Variants in LRRC18 observed in about 807,000 individuals in gnomAD.
LRRC18 encodes leucine-rich repeat-containing protein 18.
Under a neutral mutation model 11.2 loss-of-function variants are expected in LRRC18, and 12 were observed. The observed-to-expected ratio is 1.07, with a 90% confidence interval of 0.69 to 1.74. The LOEUF (loss-of-function observed/expected upper bound fraction) is 1.74. Among genes scored for constraint, LRRC18 ranks in the 40% most tolerant of loss-of-function variants. The pLI is 0.00. For synonymous variants in LRRC18, 155 were observed against 130.6 expected (o/e 1.19, Z -1.27); for missense variants, 374 against 330.5 (o/e 1.13, Z -1.02).
chr10:48,913,508 G>A (rs145432675), exon 1 of LRRC18: 431 of 1,613,880 alleles, frequency 2.7e-4, no homozygotes, highest in Admixed American at 8.7e-4. Flanking sequence ...TGTCCCGGGC[G>A]TTTTGGCATT....
upstream of LRRC18, among the ~76,000 whole-genome samples, chr10:48,918,883 C>T (rs1351669033): frequency 6.6e-6 from 1 of 152,192 alleles, no homozygotes; most frequent in Admixed American, 6.5e-5. Flanking sequence ...AATAATGTCT[C>T]TTGACATTGC....
At chr10:48,932,929 G>T in the LRRC18 span, among the ~76,000 whole-genome samples, 17 of 152,128 alleles carry the variant, frequency 1.1e-4, no homozygotes, top group Non-Finnish European at 5.9e-5. Flanking sequence ...AAGGAGGGGA[G>T]GGCGAAGAGC....
At chr10:48,921,241 G>A in the LRRC18 span, among the ~76,000 whole-genome samples, 21 of 151,946 alleles carry the variant, frequency 1.4e-4, no homozygotes, top group African/African-American at 5.1e-4. Flanking sequence ...TACAGCATGT[G>A]GTATTATTGG....
upstream of LRRC18, among the ~76,000 whole-genome samples, chr10:48,918,429 A>C (rs1838747392): frequency 6.6e-6 from 1 of 152,252 alleles, no homozygotes; most frequent in African/African-American, 2.4e-5. Flanking sequence ...TAGTGACTTT[A>C]TTAATGTCAG....
upstream of LRRC18, among the ~76,000 whole-genome samples, chr10:48,914,611 C>T (rs2133515038): frequency 6.6e-6 from 1 of 152,252 alleles, no homozygotes; most frequent in Non-Finnish European, 1.5e-5. Flanking sequence ...CTAGGATTTC[C>T]TGAAGTTTTC....
the LRRC18 span, among the ~76,000 whole-genome samples, chr10:48,928,772 G>T: frequency 6.6e-6 from 1 of 152,182 alleles, no homozygotes; most frequent in African/African-American, 2.4e-5. Flanking sequence ...TTTGCTGACC[G>T]CCTATCACCT....
chr10:48,921,206 C>T, the LRRC18 span, among the ~76,000 whole-genome samples: 5 of 151,838 alleles, frequency 3.3e-5, no homozygotes, highest in African/African-American at 1.2e-4. Context: ...ATTATGTGTC[C>T]CAATTTTAAA....
At chr10:48,939,777 T>C in the LRRC18 span, among the ~76,000 whole-genome samples, 7 of 152,334 alleles carry the variant, frequency 4.6e-5, no homozygotes, top group East Asian at 1.2e-3. Context: ...CTGCTGGTAA[T>C]GGCGTCTTTC....
the LRRC18 span, among the ~76,000 whole-genome samples, chr10:48,929,537 T>A: frequency 6.6e-6 from 1 of 152,128 alleles, no homozygotes; most frequent in Admixed American, 6.5e-5. Flanking sequence ...AGCCCCTTGC[T>A]CCTCTTCTCT....
upstream of LRRC18, among the ~76,000 whole-genome samples, chr10:48,916,355 G>C (rs543703163): frequency 2.6e-5 from 4 of 152,170 alleles, no homozygotes; most frequent in Non-Finnish European, 5.9e-5. Context: ...AGGGAAATCT[G>C]TTTGGTGTTC....
exon 2 of LRRC18, chr10:48,910,047 C>A: frequency 1.8e-6 from 1 of 557,862 alleles, no homozygotes; most frequent in South Asian, 2.7e-5. Flanking sequence ...CATTTTCACA[C>A]ACAGGTGGGC....
At chr10:48,915,298 G>A (rs751975285), upstream of LRRC18, among the ~76,000 whole-genome samples, 7 of 152,112 alleles carry the variant, frequency 4.6e-5, no homozygotes, top group Non-Finnish European at 7.3e-5. Context: ...CCCTATCATA[G>A]CGAGACTGAG....
the LRRC18 span, among the ~76,000 whole-genome samples, chr10:48,922,789 C>T: frequency 1.1e-4 from 16 of 152,108 alleles, no homozygotes; most frequent in Non-Finnish European, 1.9e-4. Flanking sequence ...ATGTCTCAAA[C>T]GTCTACATGA....
chr10:48,923,475 G>A, the LRRC18 span, among the ~76,000 whole-genome samples: 80,219 of 129,822 alleles, frequency 0.62, 26,645 homozygotes, highest in East Asian at 0.99. Flanking sequence ...TGAGCTTCAG[G>A]TAAACAACAA....
upstream of LRRC18, among the ~76,000 whole-genome samples, chr10:48,916,417 C>G (rs902522366): frequency 1.1e-4 from 16 of 152,242 alleles, no homozygotes; most frequent in African/African-American, 3.9e-4. Context: ...CTGTCTCATC[C>G]CAGGCCACCC....
intron 1 of LRRC18, 154 bp downstream of exon 3, chr10:48,913,238 A>G: frequency 1.4e-6 from 1 of 728,868 alleles, no homozygotes; most frequent in Non-Finnish European, 2.3e-6. Flanking sequence ...CAACACAATC[A>G]CACGCCGAGA....
At chr10:48,925,869 T>C in the LRRC18 span, among the ~76,000 whole-genome samples, 1 of 152,188 alleles carries the variant, frequency 6.6e-6, no homozygotes, top group African/African-American at 2.4e-5. Context: ...AACATGCTGC[T>C]GGGCCCTTCA....
chr10:48,928,220 C>G, the LRRC18 span, among the ~76,000 whole-genome samples: 64 of 152,314 alleles, frequency 4.2e-4, no homozygotes, highest in African/African-American at 1.4e-3. Context: ...CCCTGTTTAC[C>G]TTCCCCATGA....
chr10:48,911,881 A>G (rs1305250905), intron 1 of LRRC18, among the ~76,000 whole-genome samples: 1 of 152,242 alleles, frequency 6.6e-6, no homozygotes, highest in African/African-American at 2.4e-5. Context: ...GGGTTGTCAT[A>G]GCTAAGCATT....
Sources: allele counts gnomAD v4.1 joint callset (sites outside exome capture counted in the v4.1 genomes callset), GRCh38; gene constraint gnomAD v4.1.1; transcripts MANE v1.5; gene names NCBI Gene and HGNC (gene_info 2026-07-23, HGNC 2026-07-21).